Variants in ABTB2 observed in about 807,000 individuals in gnomAD.
ABTB2 encodes the protein ankyrin repeat and BTB domain containing 2.
ABTB2 carries 56 observed loss-of-function variants against 104.1 expected under a neutral mutation model. The observed-to-expected ratio is 0.54, with a 90% CI of 0.43 to 0.67. The LOEUF (loss-of-function observed/expected upper bound fraction) is 0.67. Among genes scored for constraint, ABTB2 ranks in the 30% least tolerant of loss-of-function variants. The pLI, the probability that ABTB2 is intolerant of heterozygous loss-of-function variation, is 0.00. For synonymous variants in ABTB2, 606 were observed against 608.2 expected (o/e 1.00, Z 0.05); for missense variants, 1,279 against 1,407.7 (o/e 0.91, Z 1.46).
At chr11:34,173,130 G>T (rs888721817) in intron 4 of ABTB2, 25 bp downstream of exon 4, 3 of 1,613,140 alleles carry the variant, frequency 1.9e-6, no homozygotes, top group Non-Finnish European at 2.5e-6. Flanking sequence ...GGATGCCGGG[G>T]CCCTCCCTCC....
intron 1 of ABTB2, among the ~76,000 whole-genome samples, chr11:34,348,907 A>G (rs896787455): frequency 6.6e-6 from 1 of 152,056 alleles, no homozygotes; most frequent in African/African-American, 2.4e-5. Context: ...ACACTTCTAA[A>G]CTCAAAACAG....
At chr11:34,240,278 C>T (rs577107262) in intron 1 of ABTB2, among the ~76,000 whole-genome samples, 46 of 152,302 alleles carry the variant, frequency 3.0e-4, no homozygotes, top group Middle Eastern at 3.4e-3. Flanking sequence ...CCGTCTCCAT[C>T]GGCTGGTGGT....
intron 1 of ABTB2, among the ~76,000 whole-genome samples, chr11:34,292,629 T>C (rs881390): frequency 0.082 from 12,541 of 152,238 alleles, 753 homozygotes; most frequent in Middle Eastern, 0.18. Context: ...GGGTGGAAGA[T>C]GGACAATAAG....
Position 34,172,391 on chromosome 11 carries a change from A to AT in ABTB2, c.1397+763_1397+764insA, listed in dbSNP as rs1342794981. Among the ~76,000 whole-genome samples, 241 of 26,766 alleles carry AT rather than the reference A, an allele frequency of 9.0e-3. 3 individuals are homozygous for AT. The highest frequency in any genetic ancestry group is 0.018 in the Middle Eastern group (1 of 56). The allele number at this position is 26,766 out of a possible 152,430, so 17.6% of individuals were successfully genotyped here. On this transcript the variant is annotated intron_variant, in intron 4 of 16. Coordinates refer to ENST00000435224, the MANE Select transcript of ABTB2 (RefSeq NM_145804.3). ...TGTCTCAAAAAAAAAAAAAAAAAAA[A>AT]AAAAATATATATATATATATATATA...
intron 1 of ABTB2, among the ~76,000 whole-genome samples, chr11:34,311,909 G>A (rs1260377618): frequency 1.3e-5 from 2 of 152,194 alleles, no homozygotes; most frequent in Non-Finnish European, 2.9e-5. Flanking sequence ...GGGAGGCCAA[G>A]GTGGGCGGAG....
At chr11:34,336,591 C>T (rs1855195180) in intron 1 of ABTB2, among the ~76,000 whole-genome samples, 1 of 151,918 alleles carries the variant, frequency 6.6e-6, no homozygotes, top group Non-Finnish European at 1.5e-5. Context: ...TGTCATGAGC[C>T]ATGATCGTAC....
chr11:34,167,806 A>G, intron 6 of ABTB2, 97 bp downstream of exon 6: 1 of 1,263,068 alleles, frequency 7.9e-7, no homozygotes. Flanking sequence ...ACATCTACTC[A>G]GTTGCCCAAA....
chr11:34,310,587 C>A (rs1854839144), intron 1 of ABTB2, among the ~76,000 whole-genome samples: 1 of 152,148 alleles, frequency 6.6e-6, no homozygotes, highest in Admixed American at 6.5e-5. Flanking sequence ...TCCGCTGCAT[C>A]CCTCCAGCCT....
rs35853565 is a variant in ABTB2 at position 34,258,605 on chromosome 11, CTTTTTTTTTTTT to C, written c.884-53927_884-53916del. Among the ~76,000 whole-genome samples, 5 of 95,172 alleles carry C rather than the reference CTTTTTTTTTTTT, an allele frequency of 5.3e-5. No individual in the cohort carries two copies. The South Asian group carries it at 1.5e-3, about 28-fold the overall frequency. 62.4% of individuals were successfully genotyped at this position (95,172 alleles called of 152,430 possible). ...AGTGAGCACTACAGAAGTGCCTGCTCTTTTTTTTTTTTTTTTTTTTTTTGAGACGGAGTCTTG... is the reference window on the plus strand; with the variant it reads ...AGTGAGCACTACAGAAGTGCCTGCTCTTTTTTTTTTTGAGACGGAGTCTTG... On this transcript the variant is annotated intron_variant, in intron 1 of 16. Transcript: ENST00000435224.
rs751697976 is a variant in ABTB2, at chr11:34,167,983, G to A, written c.1573C>T (p.Pro525Ser). 1 of 1,614,062 alleles carries A rather than the reference G, an allele frequency of 6.2e-7. No individual in the cohort carries two copies. Among genetic ancestry groups the A allele is most frequent in the Non-Finnish European group, 8.5e-7 (1 of 1,180,004 alleles). The change falls in exon 6 of 17, where the codon CCA (proline) becomes TCA (serine). Residue 525 changes from proline to serine, a missense_variant. Physicochemically the swap from Pro to Ser is moderately conservative, Grantham distance 74. Transcript: ENST00000435224. ...VNTMDDQGMT[P>S]LMYACAAGDE... Reference sequence around the variant, plus strand: ...CCAGCAGCGCAGGCGTACATCAGTGGCGTCATACCCTGAGCAAATCAAATG... The same window carrying A: ...CCAGCAGCGCAGGCGTACATCAGTGACGTCATACCCTGAGCAAATCAAATG...
intron 1 of ABTB2, among the ~76,000 whole-genome samples, chr11:34,321,157 G>A (rs1854996891): frequency 6.6e-6 from 1 of 152,212 alleles, no homozygotes; most frequent in African/African-American, 2.4e-5. Context: ...ACTCCAGCCT[G>A]GGCAACAAGA....
chr11:34,196,634 G>C (rs72910889), intron 3 of ABTB2, among the ~76,000 whole-genome samples: 1,637 of 152,324 alleles, frequency 0.011, 18 homozygotes, highest in Middle Eastern at 0.027. Context: ...ATTGGGTTCT[G>C]TTGTGCAGTA....
intron 1 of ABTB2, among the ~76,000 whole-genome samples, chr11:34,267,231 C>T (rs2133078244): frequency 6.6e-6 from 1 of 152,322 alleles, no homozygotes; most frequent in East Asian, 1.9e-4. Context: ...GGCGGCAGCC[C>T]TCAGAAGAGC....
intron 1 of ABTB2, among the ~76,000 whole-genome samples, chr11:34,342,743 T>C (rs972982518): frequency 6.6e-6 from 1 of 151,978 alleles, no homozygotes; most frequent in African/African-American, 2.4e-5. Flanking sequence ...ACACACATGG[T>C]TGAAGAGTAG....
rs1279028195 is a variant in ABTB2, at chr11:34,151,649, G to GC, written c.*737dup. 2.6e-5 allele frequency: 4 copies of GC among 152,342 alleles called. No individual in the cohort carries two copies. The highest frequency in any genetic ancestry group is 9.6e-5 in the African/African-American group (4 of 41,532). 9.4% of individuals were successfully genotyped at this position (152,342 alleles called of 1,614,324 possible). ...CACAGCACCCCATCCCCTACCCCTT[G>GC]CCCCTCCATGCCAGACTTAGCTCAG... On this transcript the variant is annotated 3_prime_UTR_variant, in exon 17 of 17. Coordinates refer to ENST00000435224, the MANE Select transcript of ABTB2 (RefSeq NM_145804.3).
chr11:34,248,118 A>C (rs1164584559), intron 1 of ABTB2, among the ~76,000 whole-genome samples: 1 of 134,686 alleles, frequency 7.4e-6, no homozygotes, highest in Non-Finnish European at 1.5e-5. Context: ...AAAAAAAAAA[A>C]AAAACAGGGT....
At chr11:34,355,690 G>A (rs1459110227) in intron 1 of ABTB2, among the ~76,000 whole-genome samples, 1 of 152,150 alleles carries the variant, frequency 6.6e-6, no homozygotes, top group Non-Finnish European at 1.5e-5. Flanking sequence ...CTTCCAATCA[G>A]ATCGTAAGGC....
intron 1 of ABTB2, among the ~76,000 whole-genome samples, chr11:34,291,360 C>A (rs1854563678): frequency 6.6e-6 from 1 of 152,254 alleles, no homozygotes; most frequent in Admixed American, 6.5e-5. Flanking sequence ...AGCTGAAGAC[C>A]CCTCCATCAG....
In ABTB2 at chr11:34,152,344, G is replaced by A. The variant is rs1404559312; in HGVS notation, c.*43C>T. The A allele has an allele frequency of 6.5e-7, 1 of 1,530,534 alleles. No homozygotes were observed. Among genetic ancestry groups the A allele is most frequent in the East Asian group, 2.5e-5 (1 of 40,696 alleles). The allele number at this position is 1,530,534 out of a possible 1,614,324, so 94.8% of individuals were successfully genotyped here. On this transcript the variant is annotated 3_prime_UTR_variant, in exon 17 of 17. Coordinates refer to ENST00000435224, the MANE Select transcript of ABTB2 (RefSeq NM_145804.3). ...CCATACCCCGACATGGTGGGCCCTG[G>A]CACCTCCACAGGCCCTGGCCTCGGC...
Sources: allele counts gnomAD v4.1 joint callset (sites outside exome capture counted in the v4.1 genomes callset), GRCh38; gene constraint gnomAD v4.1.1; transcripts MANE v1.5; gene names NCBI Gene and HGNC (gene_info 2026-07-23, HGNC 2026-07-21).